PROX1: variants seen among roughly 807,000 people sequenced by gnomAD.
The protein encoded by PROX1 is prospero homeobox protein 1.
Under a neutral mutation model 58.8 loss-of-function variants are expected in PROX1, and 7 were observed. The observed-to-expected ratio is 0.12, with a 90% CI of 0.07 to 0.22. The LOEUF (loss-of-function observed/expected upper bound fraction) is 0.22, where lower values mean the gene tolerates loss of function less well. Ranked by LOEUF, PROX1 falls within the 10% of genes least tolerant of loss-of-function variation. The probability of loss-of-function intolerance (pLI) is 1.00; values close to 1 mark genes in which losing one functional copy is unlikely to be tolerated. For synonymous variants in PROX1, 350 were observed against 358.3 expected (o/e 0.98, Z 0.26); for missense variants, 675 against 927.8 (o/e 0.73, Z 3.54).
chr1:214,008,829 T>A (rs1571819277), intron 3 of PROX1, among the ~76,000 whole-genome samples: 1 of 152,304 alleles, frequency 6.6e-6, no homozygotes, highest in South Asian at 2.1e-4. Context: ...TTCTATGTTC[T>A]CACAGAGAGC....
chr1:214,010,392 G>A (rs141948294), intron 3 of PROX1, among the ~76,000 whole-genome samples: 1,849 of 152,238 alleles, frequency 0.012, 15 homozygotes, highest in Non-Finnish European at 0.017. Flanking sequence ...GTAGTAATTA[G>A]AGCCCCAATA....
rs997024359 is a variant in PROX1 at position 213,988,420 on chromosome 1, G to T, written c.-131G>T. The T allele has an allele frequency of 1.4e-5, 2 of 146,120 alleles. No individual in the cohort carries two copies. Among genetic ancestry groups the T allele is most frequent in the Admixed American group, 6.7e-5 (1 of 14,870 alleles). The allele number at this position is 146,120 out of a possible 1,614,324, so 9.1% of individuals were successfully genotyped here. A position where few individuals can be genotyped will look rare whatever the true frequency, so the allele number is the denominator to read the frequency against. On this transcript the variant is annotated 5_prime_UTR_variant, in exon 1 of 5. Transcript: ENST00000366958. ...TGCCGGGGGAAAAAAAAGAGAGAGA[G>T]AGAGATAGAGAGAGAGAGAGAGAGA...
chr1:214,032,791 A>G (rs756035678), intron 4 of PROX1, among the ~76,000 whole-genome samples: 23 of 152,226 alleles, frequency 1.5e-4, no homozygotes, highest in Non-Finnish European at 3.4e-4. Context: ...AGTACATAAA[A>G]GTAGATAAAA....
At chr1:213,984,970 C>T (rs1662790314), upstream of PROX1, 3 of 152,260 alleles carry the variant, frequency 2.0e-5, no homozygotes, top group Non-Finnish European at 4.4e-5. Flanking sequence ...TGAGCATACA[C>T]CGAGCAAATG....
chr1:214,037,790 A>T lies in PROX1; in HGVS notation c.*1956A>T, dbSNP rs573686818. 4.0e-4 allele frequency: 61 copies of T among 152,366 alleles called. No homozygotes were observed. Among genetic ancestry groups the T allele is most frequent in the African/African-American group, 1.3e-3 (54 of 41,592 alleles). The allele number at this position is 152,366 out of a possible 1,614,324, so 9.4% of individuals were successfully genotyped here. A position where few individuals can be genotyped will look rare whatever the true frequency, so the allele number is the denominator to read the frequency against. On this transcript the variant is annotated 3_prime_UTR_variant, in exon 5 of 5. Coordinates refer to ENST00000366958, the MANE Select transcript of PROX1 (RefSeq NM_001270616.2). ...TGCTTTAAAAAAAAGCAGTTTGGAT[A>T]ATCATGACATTGGAATAAAGTGGGA...
intron 4 of PROX1, among the ~76,000 whole-genome samples, chr1:214,012,878 C>T (rs942772222): frequency 1.3e-5 from 2 of 152,152 alleles, no homozygotes; most frequent in East Asian, 1.9e-4. Context: ...ACCTTGGCCT[C>T]GCTCTGTCAA....
At chr1:213,992,916 C>T (rs991822533) in intron 1 of PROX1, among the ~76,000 whole-genome samples, 1 of 152,158 alleles carries the variant, frequency 6.6e-6, no homozygotes. Flanking sequence ...TCCTCCTAAC[C>T]TTAAGTCATC....
chr1:214,035,890 C>A lies in PROX1; in HGVS notation c.*56C>A. ...AGAGTAGCAGTCCCCTTTGGATGTC[C>A]AAGTTATATGTGTCTAGATTTTGAT... is the stretch of plus-strand genomic sequence containing the variant. On this transcript the variant is annotated 3_prime_UTR_variant, in exon 5 of 5. Coordinates refer to ENST00000366958, the MANE Select transcript of PROX1 (RefSeq NM_001270616.2). The A allele has an allele frequency of 2.0e-6, 3 of 1,475,612 alleles. No individual in the cohort carries two copies. Among genetic ancestry groups the A allele is most frequent in the Non-Finnish European group, 2.8e-6 (3 of 1,085,308 alleles). 91.4% of individuals were successfully genotyped at this position (1,475,612 alleles called of 1,614,324 possible). A position where few individuals can be genotyped will look rare whatever the true frequency, so the allele number is the denominator to read the frequency against.
intron 4 of PROX1, among the ~76,000 whole-genome samples, chr1:214,022,790 T>A (rs1437025028): frequency 6.6e-6 from 1 of 152,178 alleles, no homozygotes; most frequent in Non-Finnish European, 1.5e-5. Flanking sequence ...GAGGGGCAGT[T>A]TCATTCTAGC....
In PROX1 at chr1:213,989,369, G is replaced by T. The variant is rs371347050; in HGVS notation, c.-68+886G>T. 4.1e-4 allele frequency among the ~76,000 whole-genome samples: 62 copies of T among 152,172 alleles called. No individual in the cohort carries two copies. In the East Asian group the frequency reaches 0.01, roughly 25 times the overall value. ...GGCGGTGGGATTGGGACACCAGCAC[G>T]AGGAGGACCGGAGGATCGCGGGCCG... is the stretch of plus-strand genomic sequence containing the variant. On this transcript the variant is annotated intron_variant, in intron 1 of 4. Coordinates refer to ENST00000366958, the MANE Select transcript of PROX1 (RefSeq NM_001270616.2).
At chr1:214,034,675 AACAC>A (rs151165479) in intron 4 of PROX1, among the ~76,000 whole-genome samples, 1 of 151,258 alleles carries the variant, frequency 6.6e-6, no homozygotes, top group African/African-American at 2.4e-5. Context: ...TAATTAAGAG[AACAC>A]ACACACACAC....
chr1:214,028,494 C>T (rs949695141), intron 4 of PROX1, among the ~76,000 whole-genome samples: 10 of 152,166 alleles, frequency 6.6e-5, no homozygotes, highest in East Asian at 3.9e-4. Context: ...TTTTCTCAAC[C>T]GGTTGACTCA....
rs1663335111 is a variant in PROX1, at chr1:213,997,832, A to G, written c.1297A>G (p.Thr433Ala). 4 of 1,614,188 alleles carry G rather than the reference A, an allele frequency of 2.5e-6. No individual in the cohort carries two copies. Among genetic ancestry groups the G allele is most frequent in the African/African-American group, 1.3e-5 (1 of 75,064 alleles). The part of the protein sequence containing the change: ...TFGNVQMASS[T>A]DQTEALPLVV... ...TGGCAATGTGCAGATGGCCAGTTCC[A>G]CTGACCAGACAGAAGCACTGCCCCT... The change falls in exon 2 of 5, where the codon ACT (threonine) becomes GCT (alanine). Residue 433 changes from threonine (T) to alanine (A), a missense_variant. By Grantham distance (58) the Thr-to-Ala change is moderately conservative. Around this residue, in one of 8 missense-constraint regions of PROX1, gnomAD observed 403 missense variants for 477.4 expected, o/e 0.84. Coordinates refer to ENST00000366958, the MANE Select transcript of PROX1 (RefSeq NM_001270616.2). The surrounding 1 kb of genome is among the most constrained non-coding windows in gnomAD (Gnocchi z 7.1).
At chr1:214,020,809 A>G (rs1013109467) in intron 4 of PROX1, among the ~76,000 whole-genome samples, 1 of 152,190 alleles carries the variant, frequency 6.6e-6, no homozygotes, top group Admixed American at 6.5e-5. Context: ...GGTGTAGTTA[A>G]AGGAGTTAAG....
intron 3 of PROX1, among the ~76,000 whole-genome samples, chr1:214,011,201 A>C (rs1167632966): frequency 1.3e-5 from 2 of 152,206 alleles, no homozygotes; most frequent in Non-Finnish European, 2.9e-5. Flanking sequence ...GAAGTATATA[A>C]ATGCAAGTTG....
upstream of PROX1, chr1:213,983,691 G>A (rs983546417): frequency 2.0e-5 from 3 of 152,328 alleles, no homozygotes; most frequent in Admixed American, 1.3e-4. Context: ...TACGTAGGGA[G>A]AGCACCCCTT....
chr1:213,992,384 A>G (rs1225393179), intron 1 of PROX1, among the ~76,000 whole-genome samples: 1 of 152,170 alleles, frequency 6.6e-6, no homozygotes, highest in Non-Finnish European at 1.5e-5. Context: ...TCTCTGAAGA[A>G]AAAGTTGCTA....
chr1:214,016,650 AC>A (rs1354050954), intron 4 of PROX1, among the ~76,000 whole-genome samples: 3 of 152,354 alleles, frequency 2.0e-5, no homozygotes, highest in Admixed American at 2.0e-4. Context: ...AAATATATGT[AC>A]ACACATGGCT....
At chr1:214,024,740 C>T (rs1010114800) in intron 4 of PROX1, among the ~76,000 whole-genome samples, 10 of 152,180 alleles carry the variant, frequency 6.6e-5, no homozygotes, top group African/African-American at 1.9e-4. Context: ...AATACATTCT[C>T]GAACGAAACA....
Sources: gnomAD v4.1 joint callset for allele counts (sites outside exome capture counted in the v4.1 genomes callset) on GRCh38, gnomAD v4.1.1 for gene constraint, gnomAD v4.1.1 regional missense constraint, Gnocchi (gnomAD v3.1) non-coding constraint, MANE v1.5 for transcripts, NCBI Gene and HGNC (gene_info 2026-07-23, HGNC 2026-07-21) for gene names.